DNAH3: variants seen among roughly 807,000 people sequenced by gnomAD.
DNAH3 encodes the protein dynein axonemal heavy chain 3.
Under a neutral mutation model 432.5 loss-of-function variants are expected in DNAH3, and 332 were observed. The ratio of observed to expected loss-of-function variants is 0.77; its 90% CI spans 0.70 to 0.84. DNAH3 has a LOEUF of 0.84. DNAH3 is among the 40% of genes least tolerant of loss of function. The probability of loss-of-function intolerance (pLI) is 0.00; values close to 1 mark genes in which losing one functional copy is unlikely to be tolerated. For missense variants in DNAH3, 4,861 were observed against 5,114.0 expected, an observed-to-expected ratio of 0.95 and a Z score of 1.51; for synonymous variants, 1,956 against 1,900.2, an observed-to-expected ratio of 1.03 and a Z score of -0.76.
At chr16:20,992,636 G>T (rs865795295) in intron 44 of DNAH3, among the ~76,000 whole-genome samples, 12 of 152,058 alleles carry the variant, frequency 7.9e-5, no homozygotes, top group Non-Finnish European at 1.2e-4. Context: ...CACCGCTCCT[G>T]GCCTATTTCA....
At chr16:20,963,795 A>C in exon 53 of DNAH3, 1 of 1,614,022 alleles carries the variant, frequency 6.2e-7, no homozygotes, top group South Asian at 1.1e-5. Flanking sequence ...CAAACAGAGA[A>C]CGGCACACGT....
At chr16:21,139,115 G>A (rs1404614501) in intron 5 of DNAH3, among the ~76,000 whole-genome samples, 2 of 151,970 alleles carry the variant, frequency 1.3e-5, no homozygotes, top group Non-Finnish European at 2.9e-5. Flanking sequence ...AAGACGGGTT[G>A]GAAACTCCAA....
intron 11 of DNAH3, chr16:21,120,689 C>A: frequency 1.4e-6 from 2 of 1,415,084 alleles, no homozygotes; most frequent in Middle Eastern, 1.8e-4. Context: ...CTGGTACAAA[C>A]CATGTCTTCT....
At chr16:20,972,736 G>A (rs1477688699) in intron 51 of DNAH3, among the ~76,000 whole-genome samples, 2 of 133,538 alleles carry the variant, frequency 1.5e-5, no homozygotes, top group Admixed American at 8.3e-5. Flanking sequence ...ACAATGCCCC[G>A]TGATTTTTTT....
chr16:21,020,518 TCAG>T (rs1283747061), intron 40 of DNAH3, among the ~76,000 whole-genome samples: 1 of 145,492 alleles, frequency 6.9e-6, no homozygotes, highest in Non-Finnish European at 1.5e-5. Flanking sequence ...TTCTCCTGCC[TCAG>T]CCTCCCAAGT....
intron 48 of DNAH3, among the ~76,000 whole-genome samples, chr16:20,983,733 C>A (rs909261336): frequency 5.3e-5 from 8 of 151,948 alleles, no homozygotes; most frequent in Non-Finnish European, 1.0e-4. Context: ...AGAACAGAGG[C>A]CTGGCACAGT....
intron 24 of DNAH3, among the ~76,000 whole-genome samples, chr16:21,066,354 C>T (rs1047806104): frequency 2.0e-5 from 3 of 151,874 alleles, no homozygotes; most frequent in Non-Finnish European, 2.9e-5. Context: ...ATTCACCTTT[C>T]CGAAACTAAC....
At chr16:21,113,950 G>A (rs548200895) in intron 12 of DNAH3, among the ~76,000 whole-genome samples, 26 of 152,224 alleles carry the variant, frequency 1.7e-4, no homozygotes, top group African/African-American at 5.3e-4. Flanking sequence ...GCCTGAAACC[G>A]CAGATAGTAC....
At chr16:21,060,506 CT>C (rs1234109423) in intron 25 of DNAH3, 150 bp from the exon 26 acceptor site, 4 of 357,484 alleles carry the variant, frequency 1.1e-5, no homozygotes, top group East Asian at 6.0e-5. Context: ...TCTCCCCGTT[CT>C]TTTTTTCTTT....
At chr16:21,049,734 G>C in intron 30 of DNAH3, 52 bp from the exon 31 acceptor site, 2 of 1,534,292 alleles carry the variant, frequency 1.3e-6, no homozygotes, top group Non-Finnish European at 1.8e-6. Context: ...CATCCCATCT[G>C]AATTACCCCG....
chr16:20,980,264 AT>A (rs1279028629), intron 49 of DNAH3, among the ~76,000 whole-genome samples: 1 of 140,114 alleles, frequency 7.1e-6, no homozygotes, highest in African/African-American at 2.7e-5. Context: ...CATATATTAT[AT>A]TATAATATAC....
intron 12 of DNAH3, among the ~76,000 whole-genome samples, chr16:21,116,947 A>G (rs2092217495): frequency 1.3e-5 from 2 of 152,220 alleles, no homozygotes; most frequent in Admixed American, 6.5e-5. Context: ...CTTCACAACT[A>G]TCAGATAATG....
rs376795795 is a variant in DNAH3, at chr16:20,950,910, C to T, written c.11188+1523G>A. 1.2e-3 allele frequency among the ~76,000 whole-genome samples: 175 copies of T among 151,940 alleles called. 6 individuals are homozygous for T. The South Asian group carries it at 0.036, about 31-fold the overall frequency. On this transcript the variant is annotated intron_variant, in intron 56 of 61. Transcript: ENST00000261383. The stretch of plus-strand genomic sequence containing the variant: ...TGATCATAGCTCACTACAGCCTTGA[C>T]ATCCTGTGCTCATGCGATCCTCCTG...
At chr16:21,075,614 T>C (rs2090948046) in intron 20 of DNAH3, 53 bp from the exon 21 acceptor site, 2 of 1,401,456 alleles carry the variant, frequency 1.4e-6, no homozygotes, top group East Asian at 4.6e-5. Context: ...AGAAGACACA[T>C]CAAAGGAGGA....
intron 5 of DNAH3, 196 bp downstream of exon 6, chr16:21,140,340 C>T (rs867899998): frequency 3.8e-6 from 2 of 529,142 alleles, no homozygotes; most frequent in Non-Finnish European, 6.7e-6. Context: ...AACATGTACA[C>T]ACACTCTCTC....
chr16:20,969,009 C>T (rs111970164), intron 52 of DNAH3, among the ~76,000 whole-genome samples: 2 of 152,054 alleles, frequency 1.3e-5, no homozygotes, highest in African/African-American at 4.8e-5. Flanking sequence ...GTTTCTCTCC[C>T]TTCATGTCTT....
At chr16:21,106,791 GAA>G in intron 14 of DNAH3, 117 bp from the exon 15 acceptor site, 1 of 953,752 alleles carries the variant, frequency 1.0e-6, no homozygotes, top group East Asian at 2.8e-5. Flanking sequence ...GAAAAAAAAA[GAA>G]AATTTTTTTT....
Position 20,954,949 on chromosome 16 carries a change from G to A in DNAH3, c.10935C>T (p.Arg3645=), listed in dbSNP as rs1307486722. Residue 3645 remains arginine (R), a synonymous_variant, in exon 55 of 62, where the codon CGC becomes CGT. Transcript: ENST00000261383. ...CTGAGATGGGGTCATTGAGGTAGGA[G>A]CGCAACAGGTTGGCCCGGAGCCCTT... 5 of 1,614,096 alleles carry A rather than the reference G, an allele frequency of 3.1e-6. No homozygotes were observed. In the Admixed American group the frequency reaches 5.0e-5, roughly 16 times the overall value.
At chr16:20,972,517 C>T (rs1417126011) in intron 51 of DNAH3, among the ~76,000 whole-genome samples, 1 of 152,114 alleles carries the variant, frequency 6.6e-6, no homozygotes, top group East Asian at 1.9e-4. Flanking sequence ...GGATTAAAGG[C>T]ATGACCCATC....
Sources: gnomAD v4.1 joint callset for allele counts (sites outside exome capture counted in the v4.1 genomes callset) on GRCh38, gnomAD v4.1.1 for gene constraint, MANE v1.5 for transcripts, NCBI Gene and HGNC (gene_info 2026-07-23, HGNC 2026-07-21) for gene names.